The following MARCHF4 variants were observed in gnomAD, a reference collection of about 807,000 sequenced individuals.
The protein encoded by MARCHF4 is E3 ubiquitin-protein ligase MARCHF4.
A neutral mutation model predicts 43.9 loss-of-function variants in MARCHF4; 14 were observed. The ratio of observed to expected loss-of-function variants is 0.32; its 90% CI spans 0.21 to 0.50. The LOEUF (loss-of-function observed/expected upper bound fraction) is 0.50, where lower values mean the gene tolerates loss of function less well. Ranked by LOEUF, MARCHF4 falls within the 20% of genes least tolerant of loss-of-function variation. MARCHF4 has a pLI of 0.98. For synonymous variants in MARCHF4, 226 were observed against 213.3 expected (o/e 1.06, Z -0.52); for missense variants, 468 against 536.7 (o/e 0.87, Z 1.27).
intron 1 of MARCHF4, among the ~76,000 whole-genome samples, chr2:216,357,330 C>G (rs1440575380): frequency 6.6e-6 from 1 of 152,180 alleles, no homozygotes; most frequent in East Asian, 1.9e-4. Flanking sequence ...CACACACACA[C>G]ACACAATTTT....
At chr2:216,300,350 G>GTATATATATATATATATA (rs201683040) in intron 1 of MARCHF4, among the ~76,000 whole-genome samples, 2 of 115,802 alleles carry the variant, frequency 1.7e-5, no homozygotes, top group African/African-American at 7.1e-5. Flanking sequence ...ATATATATAT[G>GTATATATATATATATATA]TATATATATA....
At chr2:216,299,858 T>A (rs79440868) in intron 1 of MARCHF4, among the ~76,000 whole-genome samples, 3,445 of 152,364 alleles carry the variant, frequency 0.023, 55 homozygotes, top group Middle Eastern at 0.044. Flanking sequence ...CTCTGCCTCA[T>A]GTCTCTTATC....
rs1385174680 is a variant in MARCHF4 at position 216,371,261 on chromosome 2, G to C, written c.-1001C>G. On this transcript the variant is annotated 5_prime_UTR_variant, in exon 1 of 4. Coordinates refer to ENST00000273067, the MANE Select transcript of MARCHF4 (RefSeq NM_020814.3). The stretch of plus-strand genomic sequence containing the variant: ...GTGTGGGAGAGAACAGGAGAAAGGA[G>C]TGGTTACATTATCTCAGCCCCCAGC... The C allele has an allele frequency of 6.5e-6, 1 of 152,998 alleles. No individual in the cohort carries two copies. The highest frequency in any genetic ancestry group is 1.5e-5 in the Non-Finnish European group (1 of 68,432). 9.5% of individuals were successfully genotyped at this position (152,998 alleles called of 1,614,324 possible).
intron 1 of MARCHF4, among the ~76,000 whole-genome samples, chr2:216,284,758 A>C (rs1691192816): frequency 1.3e-5 from 2 of 152,120 alleles, no homozygotes; most frequent in African/African-American, 4.8e-5. Context: ...TCTTCCTTCT[A>C]AGATTCCTGG....
At chr2:216,282,162 C>T (rs899565971) in intron 2 of MARCHF4, among the ~76,000 whole-genome samples, 2 of 152,058 alleles carry the variant, frequency 1.3e-5, no homozygotes, top group East Asian at 1.9e-4. Context: ...GAAGATGGAA[C>T]CAGCAGCAGG....
chr2:216,266,041 T>G (rs1319319731), intron 3 of MARCHF4: 1 of 152,188 alleles, frequency 6.6e-6, no homozygotes. Flanking sequence ...TTTTAAAAAG[T>G]AATCTACTTC....
At chr2:216,277,364 C>T (rs750603351) in intron 3 of MARCHF4, among the ~76,000 whole-genome samples, 3 of 152,248 alleles carry the variant, frequency 2.0e-5, no homozygotes, top group Non-Finnish European at 4.4e-5. Context: ...GGAGGCCATG[C>T]ACATCCTGCT....
chr2:216,270,847 A>T (rs530251103), intron 3 of MARCHF4, among the ~76,000 whole-genome samples: 2 of 151,810 alleles, frequency 1.3e-5, no homozygotes, highest in African/African-American at 4.8e-5. Context: ...CATCCTAAGT[A>T]CCTCTCAAGG....
chr2:216,320,609 T>TTTTC (rs1691864913), intron 1 of MARCHF4, among the ~76,000 whole-genome samples: 1 of 35,400 alleles, frequency 2.8e-5, no homozygotes, highest in Non-Finnish European at 6.8e-5. Context: ...TAGCCTCTTT[T>TTTTC]TCTTTCTTTC....
chr2:216,316,417 C>A (rs1691777196), intron 1 of MARCHF4, among the ~76,000 whole-genome samples: 1 of 152,090 alleles, frequency 6.6e-6, no homozygotes, highest in Admixed American at 6.5e-5. Context: ...CTGAGGACTG[C>A]AAAATCTTGC....
chr2:216,262,877 C>A (rs900882835), intron 3 of MARCHF4, among the ~76,000 whole-genome samples: 4 of 152,112 alleles, frequency 2.6e-5, no homozygotes, highest in Non-Finnish European at 4.4e-5. Flanking sequence ...AAAGGGAAAT[C>A]TTTTATAACA....
intron 3 of MARCHF4, 140 bp downstream of exon 3, chr2:216,277,532 C>CT: frequency 1.2e-6 from 1 of 815,192 alleles, no homozygotes; most frequent in Non-Finnish European, 1.9e-6. Flanking sequence ...ATCCAAGCCT[C>CT]TGGCCTCTCC....
At chr2:216,349,256 C>A (rs1368562067) in intron 1 of MARCHF4, among the ~76,000 whole-genome samples, 4 of 152,222 alleles carry the variant, frequency 2.6e-5, no homozygotes, top group Non-Finnish European at 2.9e-5. Context: ...GGGATCTCTC[C>A]TCTCCTGTCT....
At chr2:216,345,291 G>C (rs1336169345) in intron 1 of MARCHF4, among the ~76,000 whole-genome samples, 1 of 151,930 alleles carries the variant, frequency 6.6e-6, no homozygotes, top group Non-Finnish European at 1.5e-5. Flanking sequence ...AGGGTTCAGG[G>C]GATGTTGTTG....
intron 3 of MARCHF4, among the ~76,000 whole-genome samples, chr2:216,262,924 A>G (rs2105930790): frequency 6.6e-6 from 1 of 152,352 alleles, no homozygotes; most frequent in East Asian, 1.9e-4. Flanking sequence ...CTATGGTACA[A>G]CTACATTAGG....
At chr2:216,267,381 A>G (rs1226581446) in intron 3 of MARCHF4, among the ~76,000 whole-genome samples, 2 of 152,212 alleles carry the variant, frequency 1.3e-5, no homozygotes, top group Admixed American at 6.5e-5. Context: ...AAACTTGTGC[A>G]AGGCTGGGGC....
intron 1 of MARCHF4, among the ~76,000 whole-genome samples, chr2:216,346,454 G>T (rs952153512): frequency 2.6e-5 from 4 of 152,210 alleles, no homozygotes; most frequent in African/African-American, 9.6e-5. Context: ...AAATACTGAA[G>T]TAGACACAAC....
At chr2:216,311,605 G>T (rs1017553621) in intron 1 of MARCHF4, among the ~76,000 whole-genome samples, 15 of 152,064 alleles carry the variant, frequency 9.9e-5, no homozygotes, top group Non-Finnish European at 2.2e-4. Flanking sequence ...TCACATTTTT[G>T]CTTTAATAGA....
intron 3 of MARCHF4, among the ~76,000 whole-genome samples, chr2:216,261,099 G>A (rs765582508): frequency 4.6e-5 from 7 of 152,278 alleles, no homozygotes; most frequent in Non-Finnish European, 8.8e-5. Flanking sequence ...TGGTGGCTGC[G>A]GTGACCGGAT....
Sources: allele counts gnomAD v4.1 joint callset (sites outside exome capture counted in the v4.1 genomes callset), GRCh38; gene constraint gnomAD v4.1.1; transcripts MANE v1.5; gene names NCBI Gene and HGNC (gene_info 2026-07-23, HGNC 2026-07-21).